Variants in ARSB observed in about 807,000 individuals in gnomAD.
ARSB encodes the protein N-acetylgalactosamine-4-sulfatase.
ARSB carries 41 observed loss-of-function variants against 50.9 expected under a neutral mutation model. That is an observed-to-expected ratio of 0.81 (90% CI 0.63 to 1.04). The LOEUF is 1.04. Among genes scored for constraint, ARSB ranks in the 50% least tolerant of loss-of-function variants. ARSB has a pLI of 0.00. For missense variants in ARSB, 672 were observed against 693.3 expected (o/e 0.97, Z 0.35); for synonymous variants, 269 against 284.8 (o/e 0.94, Z 0.56).
At chr5:78,798,868 C>T (rs1743274141) in intron 6 of ARSB, among the ~76,000 whole-genome samples, 1 of 152,140 alleles carries the variant, frequency 6.6e-6, no homozygotes, top group Non-Finnish European at 1.5e-5. Flanking sequence ...CAGCCCTCCA[C>T]AACATTGCTG....
intron 4 of ARSB, among the ~76,000 whole-genome samples, chr5:78,942,623 T>C (rs1454342775): frequency 2.0e-5 from 3 of 152,252 alleles, no homozygotes; most frequent in African/African-American, 7.2e-5. Flanking sequence ...TGAGTTCTAG[T>C]TTGATTGCAC....
intron 4 of ARSB, among the ~76,000 whole-genome samples, chr5:78,948,434 T>C (rs1220834307): frequency 6.6e-6 from 1 of 152,124 alleles, no homozygotes; most frequent in Non-Finnish European, 1.5e-5. Context: ...ACCTACTATA[T>C]ACCCATAAAA....
chr5:78,866,974 G>C (rs1445586686), intron 5 of ARSB, among the ~76,000 whole-genome samples: 2 of 152,228 alleles, frequency 1.3e-5, no homozygotes, highest in Admixed American at 6.5e-5. Flanking sequence ...CCGTGCGCGA[G>C]CCAAAGCAGG....
chr5:78,901,023 C>T (rs1376915924), intron 4 of ARSB, among the ~76,000 whole-genome samples: 3 of 129,398 alleles, frequency 2.3e-5, no homozygotes, highest in African/African-American at 8.7e-5. Context: ...TCCAGCCTGG[C>T]GACAGAGCAA....
At chr5:78,866,923 G>C (rs564793483) in intron 5 of ARSB, among the ~76,000 whole-genome samples, 1 of 152,374 alleles carries the variant, frequency 6.6e-6, no homozygotes, top group Non-Finnish European at 1.5e-5. Flanking sequence ...CATCTCACCA[G>C]GGAGTGCAAG....
chr5:78,852,154 C>T (rs1403569302), intron 5 of ARSB, among the ~76,000 whole-genome samples: 2 of 152,118 alleles, frequency 1.3e-5, no homozygotes, highest in Non-Finnish European at 2.9e-5. Context: ...TCTTCCTAGC[C>T]TCGATGGTCT....
At position 78,834,607 on chromosome 5, in the gene ARSB, G is replaced by GTGTATATATA. The variant is rs1185355030; in HGVS notation, c.1213+4748_1213+4749insTATATATACA. ...ATACTATTTCATGGTATATATATGT[G>GTGTATATATA]TATATATATATATATATATATATAT... On this transcript the variant is annotated intron_variant, in intron 6 of 7. Transcript: ENST00000264914. 2.1e-3 allele frequency among the ~76,000 whole-genome samples: 176 copies of GTGTATATATA among 85,634 alleles called. 4 individuals are homozygous for GTGTATATATA. The highest frequency in any genetic ancestry group is 6.1e-3 in the African/African-American group (154 of 25,204). The allele number at this position is 85,634 out of a possible 152,430, so 56.2% of individuals were successfully genotyped here.
chr5:78,793,627 T>TC (rs1743064893), intron 6 of ARSB, among the ~76,000 whole-genome samples: 1 of 152,080 alleles, frequency 6.6e-6, no homozygotes, highest in Non-Finnish European at 1.5e-5. Context: ...GTGGCCATGG[T>TC]CCCCCCAAAC....
At chr5:78,801,674 C>T (rs1367885392) in intron 6 of ARSB, among the ~76,000 whole-genome samples, 3 of 152,148 alleles carry the variant, frequency 2.0e-5, no homozygotes, top group Admixed American at 2.0e-4. Context: ...GCCTCCCTTG[C>T]AGTTGGGTGT....
intron 4 of ARSB, among the ~76,000 whole-genome samples, chr5:78,888,656 G>A (rs565312015): frequency 1.3e-5 from 2 of 152,210 alleles, no homozygotes; most frequent in Non-Finnish European, 2.9e-5. Context: ...TAAGAGTGGA[G>A]ATGATGGGGA....
intron 6 of ARSB, among the ~76,000 whole-genome samples, chr5:78,822,949 T>A (rs985717136): frequency 1.3e-5 from 2 of 152,236 alleles, no homozygotes; most frequent in African/African-American, 4.8e-5. Flanking sequence ...AATCCTGTTT[T>A]AATGTCTATA....
chr5:78,849,956 T>G (rs1457958195), intron 5 of ARSB, among the ~76,000 whole-genome samples: 2 of 151,576 alleles, frequency 1.3e-5, no homozygotes, highest in Non-Finnish European at 2.9e-5. Flanking sequence ...TTAAGGAGAT[T>G]TGGGGCTGAG....
rs781510986 is a variant in ARSB, at chr5:78,885,582, A to G, written c.1142+2T>C. On this transcript the variant is annotated splice_donor_variant, in intron 5 of 7. Transcript: ENST00000264914. LOFTEE classifies it high-confidence loss of function. ...GGAGGAAAAAGGGCAGGGTGTAGGT[A>G]CCTGATGGTTTTCCACACGTCGAAG... The G allele has an allele frequency of 1.2e-6, 2 of 1,613,400 alleles. No homozygotes were observed. The highest frequency in any genetic ancestry group is 2.2e-5 in the South Asian group (2 of 91,078).
At chr5:78,823,550 T>C (rs1165573513) in intron 6 of ARSB, among the ~76,000 whole-genome samples, 8 of 152,188 alleles carry the variant, frequency 5.3e-5, no homozygotes, top group Non-Finnish European at 1.0e-4. Context: ...AGAATGTTCA[T>C]AGGAGAAGAA....
chr5:78,830,653 C>T (rs1361799953), intron 6 of ARSB, among the ~76,000 whole-genome samples: 2 of 152,150 alleles, frequency 1.3e-5, no homozygotes, highest in East Asian at 3.8e-4. Context: ...GGATACGAGG[C>T]TTGTGGGACT....
chr5:78,905,444 T>C (rs1749019314), intron 4 of ARSB, among the ~76,000 whole-genome samples: 1 of 150,864 alleles, frequency 6.6e-6, no homozygotes, highest in Non-Finnish European at 1.5e-5. Context: ...CTCTCGAGGG[T>C]GTTGATGTTT....
intron 4 of ARSB, among the ~76,000 whole-genome samples, chr5:78,930,298 T>C (rs1374716418): frequency 1.3e-5 from 2 of 152,238 alleles, no homozygotes; most frequent in African/African-American, 4.8e-5. Context: ...CAGGCTATTT[T>C]GAGGACAGGT....
At chr5:78,951,449 T>C (rs1365139516) in intron 4 of ARSB, among the ~76,000 whole-genome samples, 8 of 151,926 alleles carry the variant, frequency 5.3e-5, no homozygotes, top group Non-Finnish European at 7.4e-5. Context: ...GGTGTAGGAT[T>C]AAAATTGCAA....
At chr5:78,849,720 A>T (rs1745656764) in intron 5 of ARSB, among the ~76,000 whole-genome samples, 1 of 145,654 alleles carries the variant, frequency 6.9e-6, no homozygotes, top group Non-Finnish European at 1.5e-5. Context: ...ATTTGTTTGT[A>T]TCCTCTTTTA....
Sources: gnomAD v4.1 joint callset for allele counts (sites outside exome capture counted in the v4.1 genomes callset) on GRCh38, gnomAD v4.1.1 for gene constraint, MANE v1.5 for transcripts, NCBI Gene and HGNC (gene_info 2026-07-23, HGNC 2026-07-21) for gene names.